The following TICAM1 variants were observed in gnomAD, a reference collection of about 807,000 sequenced individuals.
The protein encoded by TICAM1 is TIR domain containing adaptor molecule 1.
For synonymous variants in TICAM1, 439 were observed against 415.4 expected (o/e 1.06, Z -0.69); for missense variants, 895 against 938.2 (o/e 0.95, Z 0.60).
Position 4,817,209 on chromosome 19 carries a change from G to A in TICAM1, c.1169C>T (p.Ser390Leu), listed in dbSNP as rs867839844. The A allele has an allele frequency of 1.2e-6, 2 of 1,614,048 alleles. No homozygotes were observed. Among genetic ancestry groups the A allele is most frequent in the African/African-American group, 1.3e-5 (1 of 75,008 alleles). ...CACAAAGTTATAGAATTTCTGTTCC[G>A]ATGATGATTCCAGGGAGGAAGGGAA... is the stretch of plus-strand genomic sequence containing the variant. The part of the protein sequence containing the change: ...SLFPSSLESS[S>L]EQKFYNFVIL... The change falls in exon 2 of 2, where the codon TCG becomes TTG. Residue 390 changes from serine (S) to leucine (L), a missense_variant. Transcript: ENST00000248244. This position sits in a 1 kb window ranked among gnomAD's most constrained non-coding sequence, Gnocchi z 4.7.
Position 4,816,094 on chromosome 19 carries a change from G to A in TICAM1, c.*145C>T. The A allele has an allele frequency of 1.6e-6, 2 of 1,243,142 alleles. No individual in the cohort carries two copies. The highest frequency in any genetic ancestry group is 2.0e-6 in the Non-Finnish European group (2 of 982,066). The allele number at this position is 1,243,142 out of a possible 1,614,324, so 77.0% of individuals were successfully genotyped here. A position where few individuals can be genotyped will look rare whatever the true frequency, so the allele number is the denominator to read the frequency against. On this transcript the variant is annotated 3_prime_UTR_variant, in exon 2 of 2. Coordinates refer to ENST00000248244, the MANE Select transcript of TICAM1 (RefSeq NM_182919.4). The surrounding 1 kb of genome is among the most constrained non-coding windows in gnomAD (Gnocchi z 4.3). Reference sequence around the variant, plus strand: ...CGCGCCCGTTTTGTCCTAAATGAAGGGCTCCCGGACAATGTCCTGAAAGTG... The same window carrying A: ...CGCGCCCGTTTTGTCCTAAATGAAGAGCTCCCGGACAATGTCCTGAAAGTG...
Position 4,818,547 on chromosome 19 carries a change from AC to A in TICAM1, c.-139-32del. On this transcript the variant is annotated intron_variant, in intron 1 of 1. Transcript: ENST00000248244. This position sits in a 1 kb window ranked among gnomAD's most constrained non-coding sequence, Gnocchi z 4.0. ...GGAAACAGGAGAAGCAAACACACTT[AC>A]CCCCAAGAAAGGTCAGCACGGGAAG... The A allele has an allele frequency of 9.6e-6, 13 of 1,350,280 alleles. No homozygotes were observed. The highest frequency in any genetic ancestry group is 1.3e-5 in the Non-Finnish European group (13 of 1,036,040). 83.6% of individuals were successfully genotyped at this position (1,350,280 alleles called of 1,614,324 possible). A position where few individuals can be genotyped will look rare whatever the true frequency, so the allele number is the denominator to read the frequency against.
At chr19:4,822,275 C>T (rs1039386126) in intron 1 of TICAM1, among the ~76,000 whole-genome samples, 3 of 151,098 alleles carry the variant, frequency 2.0e-5, no homozygotes, top group Admixed American at 1.3e-4. Context: ...CAGAGTCTCG[C>T]TCTGTCGCCC....
At position 4,817,693 on chromosome 19, in the gene TICAM1, T is replaced by G. The variant is rs1173048927; in HGVS notation, c.685A>C (p.Lys229Gln). Residue 229 changes from lysine (K) to glutamine (Q), a missense_variant, in exon 2 of 2, where the codon AAG (lysine) becomes CAG (glutamine). Transcript: ENST00000248244. The surrounding 1 kb of genome is among the most constrained non-coding windows in gnomAD (Gnocchi z 4.7). ...SLHRSPHGPSKLCDDPQASLV... is the reference protein window; with the variant it reads ...SLHRSPHGPSQLCDDPQASLV... ...CTGGCCTGGGGGTCGTCACAGAGCT[T>G]GCTGGGCCCATGTGGGCTGCGGTGC... The G allele has an allele frequency of 1.8e-5, 28 of 1,589,822 alleles. No individual in the cohort carries two copies. The highest frequency in any genetic ancestry group is 2.3e-5 in the Non-Finnish European group (27 of 1,169,120).
rs999886809 is a variant in TICAM1 at position 4,817,973 on chromosome 19, T to A, written c.405A>T (p.Glu135Asp). The A allele has an allele frequency of 4.3e-6, 7 of 1,613,364 alleles. No individual in the cohort carries two copies. Among genetic ancestry groups the A allele is most frequent in the Admixed American group, 1.7e-5 (1 of 60,004 alleles). The change falls in exon 2 of 2, where the codon GAA becomes GAT. Residue 135 changes from glutamate (E) to aspartate (D), a missense_variant. Transcript: ENST00000248244. This position sits in a 1 kb window ranked among gnomAD's most constrained non-coding sequence, Gnocchi z 4.7. ...ACCGGTTTCGGGCCTCATCCTGAAG[T>A]TCCCCCAGCCGGTGGTCGTCCCTGG... is the stretch of plus-strand genomic sequence containing the variant. Reference protein sequence around the residue: ...LSSRDDHRLGELQDEARNRCG... With the variant: ...LSSRDDHRLGDLQDEARNRCG...
chr19:4,827,504 CCAG>C (rs67030570), intron 1 of TICAM1, among the ~76,000 whole-genome samples: 79,150 of 150,794 alleles, frequency 0.52, 21,219 homozygotes, highest in African/African-American at 0.62. Context: ...GCCTGTAATC[CCAG>C]CAGCACTTTG....
At chr19:4,831,265 G>A (rs2093613214) in intron 1 of TICAM1, among the ~76,000 whole-genome samples, 2 of 151,028 alleles carry the variant, frequency 1.3e-5, no homozygotes, top group African/African-American at 2.4e-5. Flanking sequence ...TTTGGGGTGA[G>A]AAGGAATATG....
chr19:4,825,364 C>T (rs898730315), intron 1 of TICAM1, among the ~76,000 whole-genome samples: 1 of 152,098 alleles, frequency 6.6e-6, no homozygotes, highest in African/African-American at 2.4e-5. Flanking sequence ...AACCCTGTGA[C>T]ATGCCATTTA....
intron 1 of TICAM1, among the ~76,000 whole-genome samples, chr19:4,822,393 C>T (rs2146175629): frequency 6.6e-6 from 1 of 151,952 alleles, no homozygotes; most frequent in Non-Finnish European, 1.5e-5. Flanking sequence ...CAGGCACCCG[C>T]CACCACGCCC....
At chr19:4,823,880 ACT>A in intron 1 of TICAM1, among the ~76,000 whole-genome samples, 1 of 152,224 alleles carries the variant, frequency 6.6e-6, no homozygotes, top group East Asian at 1.9e-4. Context: ...TAGCTAATAC[ACT>A]GCAGATACTT....
intron 1 of TICAM1, among the ~76,000 whole-genome samples, chr19:4,829,382 T>G (rs1021043889): frequency 2.0e-5 from 3 of 152,122 alleles, no homozygotes; most frequent in Non-Finnish European, 4.4e-5. Flanking sequence ...TTTCAGTGAC[T>G]GCCCCAGCTT....
At chr19:4,821,947 T>C (rs2146175150) in intron 1 of TICAM1, among the ~76,000 whole-genome samples, 1 of 142,550 alleles carries the variant, frequency 7.0e-6, no homozygotes. Context: ...TCCAGCCTTT[T>C]TTTTTGAGAC....
chr19:4,830,626 G>C (rs1373434054), intron 1 of TICAM1, among the ~76,000 whole-genome samples: 1 of 152,144 alleles, frequency 6.6e-6, no homozygotes, highest in African/African-American at 2.4e-5. Flanking sequence ...TACCCTCACA[G>C]AGCTCCCAGT....
intron 1 of TICAM1, among the ~76,000 whole-genome samples, chr19:4,830,245 A>G (rs531456190): frequency 1.8e-4 from 28 of 151,680 alleles, no homozygotes; most frequent in African/African-American, 2.4e-5. Context: ...GCGGCACCAC[A>G]CCTGGCTAAT....
chr19:4,822,460 C>A (rs2093599343), intron 1 of TICAM1, among the ~76,000 whole-genome samples: 1 of 152,182 alleles, frequency 6.6e-6, no homozygotes, highest in Admixed American at 6.6e-5. Context: ...CCAGGCTGGT[C>A]TCGAACTCCT....
chr19:4,817,517 G>A lies in TICAM1; in HGVS notation c.861C>T (p.Leu287=). 1 of 1,613,840 alleles carries A rather than the reference G, an allele frequency of 6.2e-7. No homozygotes were observed. The highest frequency in any genetic ancestry group is 8.5e-7 in the Non-Finnish European group (1 of 1,179,920). The change falls in exon 2 of 2, where the codon CTC becomes CTT. Residue 287 remains leucine, a synonymous_variant. Coordinates refer to ENST00000248244, the MANE Select transcript of TICAM1 (RefSeq NM_182919.4). The surrounding 1 kb of genome is among the most constrained non-coding windows in gnomAD (Gnocchi z 4.7). ...EVAPDATSTG[L]PDTPAAPETS... ...TTTCTGGAGCTGCGGGGGTATCAGGGAGGCCAGTGGAGGTTGCATCTGGGG... is the reference window on the plus strand; with the variant it reads ...TTTCTGGAGCTGCGGGGGTATCAGGAAGGCCAGTGGAGGTTGCATCTGGGG...
In TICAM1 at chr19:4,817,608, G is replaced by T; in HGVS notation, c.770C>A (p.Pro257Gln). The change falls in exon 2 of 2, where the codon CCA becomes CAA. Residue 257 changes from proline to glutamine, a missense_variant. Coordinates refer to ENST00000248244, the MANE Select transcript of TICAM1 (RefSeq NM_182919.4). The surrounding 1 kb of genome is among the most constrained non-coding windows in gnomAD (Gnocchi z 4.7). ...CQEPEEMSWP[P>Q]SGEIASPPEL... The stretch of plus-strand genomic sequence containing the variant: ...TGGTGGGCTGGCAATCTCCCCCGAT[G>T]GCGGCCAGCTCATCTCCTCAGGCTC... The T allele has an allele frequency of 6.2e-7, 1 of 1,600,540 alleles. No individual in the cohort carries two copies.
chr19:4,817,942 A>C lies in TICAM1; in HGVS notation c.436T>G (p.Trp146Gly). ...CTCCCTGGATCCCCAGCAATGTCCCACCCACACCGGTTTCGGGCCTCATCC... is the reference window on the plus strand; with the variant it reads ...CTCCCTGGATCCCCAGCAATGTCCCCCCCACACCGGTTTCGGGCCTCATCC... ...LQDEARNRCG[W>G]DIAGDPGSIR... Residue 146 changes from tryptophan to glycine, a missense_variant, in exon 2 of 2, where the codon TGG becomes GGG. Transcript: ENST00000248244. This position sits in a 1 kb window ranked among gnomAD's most constrained non-coding sequence, Gnocchi z 4.7. 6.2e-7 allele frequency: 1 copy of C among 1,613,792 alleles called. No individual in the cohort carries two copies. Among genetic ancestry groups the C allele is most frequent in the Non-Finnish European group, 8.5e-7 (1 of 1,179,986 alleles).
chr19:4,829,165 C>T (rs932659688), intron 1 of TICAM1, among the ~76,000 whole-genome samples: 1 of 152,136 alleles, frequency 6.6e-6, no homozygotes, highest in African/African-American at 2.4e-5. Context: ...GTGCCTGGCA[C>T]ACGCATGCCC....
Sources: gnomAD v4.1 joint callset for allele counts (sites outside exome capture counted in the v4.1 genomes callset) on GRCh38, gnomAD v4.1.1 for gene constraint, Gnocchi (gnomAD v3.1) non-coding constraint, MANE v1.5 for transcripts, NCBI Gene and HGNC (gene_info 2026-07-23, HGNC 2026-07-21) for gene names.